The following ATP9B variants were observed in gnomAD, a reference collection of about 807,000 sequenced individuals.
ATP9B encodes ATPase phospholipid transporting 9B.
Under a neutral mutation model 146.1 loss-of-function variants are expected in ATP9B, and 110 were observed. That is an observed-to-expected ratio of 0.75 (90% confidence interval 0.65 to 0.88). The LOEUF (loss-of-function observed/expected upper bound fraction) is 0.88, where lower values mean the gene tolerates loss of function less well. Among genes scored for constraint, ATP9B ranks in the 40% least tolerant of loss-of-function variants. ATP9B has a pLI of 0.00. For missense variants in ATP9B, 1,499 were observed against 1,496.4 expected (o/e 1.00, Z -0.03); for synonymous variants, 604 against 569.7 (o/e 1.06, Z -0.86).
At position 79,160,841 on chromosome 18, in the gene ATP9B, G is replaced by A. The variant is rs556012797; in HGVS notation, c.778+6286G>A. Among the ~76,000 whole-genome samples, 222 of 152,168 alleles carry A rather than the reference G, an allele frequency of 1.5e-3. 3 individuals are homozygous for A. The highest frequency in any genetic ancestry group is 5.0e-3 in the African/African-American group (209 of 41,494). The stretch of plus-strand genomic sequence containing the variant: ...GGCTGGAGTGCAGTGGCGCGATCTC[G>A]GCTCACTGCAACCTCTGCCTCCTGG... On this transcript the variant is annotated intron_variant, in intron 7 of 29. Transcript: ENST00000426216.
In ATP9B at chr18:79,368,187, G is replaced by A. The variant is rs186904761; in HGVS notation, c.3013-4638G>A. Among the ~76,000 whole-genome samples, 127 of 152,350 alleles carry A rather than the reference G, an allele frequency of 8.3e-4. 1 individual carries two copies. The East Asian group carries it at 0.02, about 24-fold the overall frequency. On this transcript the variant is annotated intron_variant, in intron 26 of 29. Coordinates refer to ENST00000426216, the MANE Select transcript of ATP9B (RefSeq NM_198531.5). ...CCTGCAAGTCTAAAGTGATTTCAAGGCAAAATGATTAGAAAACGGAGTCAG... is the reference window on the plus strand; with the variant it reads ...CCTGCAAGTCTAAAGTGATTTCAAGACAAAATGATTAGAAAACGGAGTCAG...
chr18:79,241,371 C>A (rs1362304146), intron 11 of ATP9B, among the ~76,000 whole-genome samples: 1 of 152,110 alleles, frequency 6.6e-6, no homozygotes, highest in Non-Finnish European at 1.5e-5. Flanking sequence ...TCTTGACAAA[C>A]GACTCTGAGA....
chr18:79,080,002 C>T (rs2073073454), intron 1 of ATP9B, among the ~76,000 whole-genome samples: 1 of 152,134 alleles, frequency 6.6e-6, no homozygotes, highest in Admixed American at 6.5e-5. Context: ...TTACATTGGT[C>T]TATAACTCTG....
chr18:79,290,974 C>T (rs780300992), intron 13 of ATP9B, among the ~76,000 whole-genome samples: 32 of 152,124 alleles, frequency 2.1e-4, no homozygotes, highest in Non-Finnish European at 4.1e-4. Context: ...GAGGCCAATT[C>T]ACAATTCAGG....
intron 1 of ATP9B, among the ~76,000 whole-genome samples, chr18:79,072,211 C>T (rs1393139049): frequency 1.3e-5 from 2 of 151,548 alleles, no homozygotes; most frequent in South Asian, 2.1e-4. Context: ...GGGGATTTGG[C>T]AGGGTCATAG....
chr18:79,256,346 C>A (rs916095394), intron 12 of ATP9B, among the ~76,000 whole-genome samples: 9 of 144,438 alleles, frequency 6.2e-5, no homozygotes, highest in African/African-American at 2.3e-4. Context: ...TCTTATTATT[C>A]TGGTGAATGA....
chr18:79,253,169 G>C (rs535788927), intron 11 of ATP9B, among the ~76,000 whole-genome samples: 1 of 152,184 alleles, frequency 6.6e-6, no homozygotes, highest in Non-Finnish European at 1.5e-5. Flanking sequence ...GCTCTGGCCC[G>C]TGTTTTGTCA....
At chr18:79,266,116 T>G (rs960752926) in intron 12 of ATP9B, among the ~76,000 whole-genome samples, 1 of 152,178 alleles carries the variant, frequency 6.6e-6, no homozygotes, top group African/African-American at 2.4e-5. Context: ...AAAGAGTGTT[T>G]TAGGTCTTCT....
chr18:79,206,836 G>A (rs1346624961), intron 9 of ATP9B, 101 bp from the exon 10 acceptor site: 9 of 1,084,502 alleles, frequency 8.3e-6, no homozygotes, highest in Non-Finnish European at 1.2e-5. Flanking sequence ...CTGTTCACTT[G>A]GATTGAGCTT....
At chr18:79,364,582 T>C (rs1027539409) in intron 26 of ATP9B, among the ~76,000 whole-genome samples, 1 of 152,212 alleles carries the variant, frequency 6.6e-6, no homozygotes, top group Non-Finnish European at 1.5e-5. Flanking sequence ...AAGTGGACCC[T>C]TGACCTATAT....
At chr18:79,144,738 C>CTTACTTT (rs1568268827) in intron 6 of ATP9B, 1 of 151,300 alleles carries the variant, frequency 6.6e-6, no homozygotes, top group East Asian at 2.0e-4. Context: ...TTGTTTTATT[C>CTTACTTT]TTATTTTTAT....
At chr18:79,331,051 C>T (rs774781485) in intron 17 of ATP9B, among the ~76,000 whole-genome samples, 7 of 152,120 alleles carry the variant, frequency 4.6e-5, no homozygotes, top group Non-Finnish European at 1.0e-4. Context: ...TTGTAGGTAG[C>T]CTCATGAGAT....
intron 15 of ATP9B, among the ~76,000 whole-genome samples, chr18:79,311,312 A>G (rs1408888112): frequency 6.6e-6 from 1 of 152,170 alleles, no homozygotes. Flanking sequence ...TAAACGGGTG[A>G]ATGTGAGGAT....
intron 19 of ATP9B, among the ~76,000 whole-genome samples, chr18:79,339,722 G>A (rs1346041991): frequency 1.3e-5 from 2 of 151,448 alleles, no homozygotes; most frequent in East Asian, 1.9e-4. Context: ...TAGGAAGTGT[G>A]TCATGATCGC....
At chr18:79,320,433 C>T (rs956076281) in intron 15 of ATP9B, among the ~76,000 whole-genome samples, 38 of 152,114 alleles carry the variant, frequency 2.5e-4, no homozygotes, top group African/African-American at 8.9e-4. Flanking sequence ...ATGGGGAGGG[C>T]CTGGCTGCGC....
chr18:79,368,100 C>T (rs551014857), intron 26 of ATP9B, among the ~76,000 whole-genome samples: 3 of 151,866 alleles, frequency 2.0e-5, no homozygotes, highest in Admixed American at 6.5e-5. Flanking sequence ...AGCTGGACGG[C>T]GCCGTGGCCC....
At chr18:79,336,545 C>T in intron 17 of ATP9B, 83 bp from the exon 18 acceptor site, 3 of 1,279,266 alleles carry the variant, frequency 2.3e-6, no homozygotes, top group South Asian at 1.3e-5. Context: ...CACCAGCAAT[C>T]AGAGTGTGGC....
chr18:79,282,316 T>C (rs1270369869), intron 13 of ATP9B, among the ~76,000 whole-genome samples: 4 of 152,170 alleles, frequency 2.6e-5, no homozygotes, highest in African/African-American at 9.7e-5. Flanking sequence ...ATGAAGTTCT[T>C]TGAGTAAAAT....
intron 13 of ATP9B, among the ~76,000 whole-genome samples, chr18:79,292,294 G>A (rs2096512993): frequency 1.3e-5 from 2 of 152,208 alleles, no homozygotes; most frequent in Admixed American, 1.3e-4. Context: ...ACATGGTCAT[G>A]TCCGTAGGAA....
Sources: allele counts gnomAD v4.1 joint callset (sites outside exome capture counted in the v4.1 genomes callset), GRCh38; gene constraint gnomAD v4.1.1; transcripts MANE v1.5; gene names NCBI Gene and HGNC (gene_info 2026-07-23, HGNC 2026-07-21).